The following MMP10 variants were observed in gnomAD, a reference collection of about 807,000 sequenced individuals.
The protein encoded by MMP10 is matrix metallopeptidase 10, also known as stromelysin-2.
In MMP10, 50 loss-of-function variants were observed where a neutral mutation model predicts 49.1. That is an observed-to-expected ratio of 1.02 (90% CI 0.81 to 1.29). MMP10 has a LOEUF of 1.29. Ranked by LOEUF, MMP10 falls within the 50% of genes most tolerant of loss-of-function variation. MMP10 has a pLI of 0.00. For missense variants in MMP10, 613 were observed against 563.8 expected (o/e 1.09, Z -0.88); for synonymous variants, 229 against 201.6 (o/e 1.14, Z -1.15).
At chr11:102,778,781 T>C (rs776636250) in intron 3 of MMP10, 32 bp from the exon 4 acceptor site, 1 of 1,609,710 alleles carries the variant, frequency 6.2e-7, no homozygotes, top group South Asian at 1.1e-5. Context: ...GAAATATAAG[T>C]GTTCAGAATT....
intron 4 of MMP10, among the ~76,000 whole-genome samples, chr11:102,777,396 C>T (rs1857755534): frequency 6.6e-6 from 1 of 151,582 alleles, no homozygotes; most frequent in Non-Finnish European, 1.5e-5. Context: ...GCTGTGATTA[C>T]AGGCACGTGC....
At chr11:102,773,795 TG>T (rs1434910805) in intron 7 of MMP10, among the ~76,000 whole-genome samples, 1 of 152,230 alleles carries the variant, frequency 6.6e-6, no homozygotes, top group African/African-American at 2.4e-5. Flanking sequence ...ATGAGTCAGG[TG>T]CTCCCATGGC....
At position 102,776,666 on chromosome 11, in the gene MMP10, G is replaced by GCT; in HGVS notation, c.731_732dup (p.Leu245SerfsTer12). The GCT allele has an allele frequency of 6.2e-7, 1 of 1,613,976 alleles. No homozygotes were observed. The highest frequency in any genetic ancestry group is 1.1e-5 in the South Asian group (1 of 91,060). ...TCTTGCGAAAGGCGGAACTGGGCGA[G>GCT]CTCTGTGAATGAGTTGTAGAGTGGG... is the stretch of plus-strand genomic sequence containing the variant. On this transcript the variant is annotated frameshift_variant, in exon 5 of 10. Transcript: ENST00000279441. LOFTEE classifies it high-confidence loss of function.
rs1861983562 is a variant in MMP10 at position 102,772,323 on chromosome 11, A to G, written c.1227-208T>C. Among the ~76,000 whole-genome samples the G allele has an allele frequency of 1.3e-5, 2 of 152,356 alleles. No homozygotes were observed. Among genetic ancestry groups the G allele is most frequent in the South Asian group, 2.1e-4 (1 of 4,830 alleles). On this transcript the variant is annotated intron_variant, in intron 8 of 9. Coordinates refer to ENST00000279441, the MANE Select transcript of MMP10 (RefSeq NM_002425.3). The surrounding 1 kb of genome is among the most constrained non-coding windows in gnomAD (Gnocchi z 4.4). Reference sequence around the variant, plus strand: ...ACATAAAACAATATTTTCCAGAAACAGGAACATTATGCCATTTTACAGAGG... The same window carrying G: ...ACATAAAACAATATTTTCCAGAAACGGGAACATTATGCCATTTTACAGAGG...
chr11:102,775,040 T>C, intron 7 of MMP10, 148 bp downstream of exon 7: 1 of 552,158 alleles, frequency 1.8e-6, no homozygotes, highest in Non-Finnish European at 2.8e-6. Flanking sequence ...AAATAAAGTT[T>C]ATAATGTTCT....
intron 6 of MMP10, among the ~76,000 whole-genome samples, 200 bp downstream of exon 6, chr11:102,776,080 A>C (rs1857728460): frequency 6.6e-6 from 1 of 152,044 alleles, no homozygotes; most frequent in African/African-American, 2.4e-5. Flanking sequence ...AAAAGTAACT[A>C]CTGGGTACTA....
chr11:102,776,217 T>C, intron 6 of MMP10, 63 bp downstream of exon 6: 6 of 1,468,530 alleles, frequency 4.1e-6, no homozygotes, highest in Non-Finnish European at 5.5e-6. Context: ...CAAGTTTCTG[T>C]TTTTCTTTCT....
intron 9 of MMP10, among the ~76,000 whole-genome samples, 192 bp from the exon 10 acceptor site, chr11:102,771,085 T>C (rs2134346878): frequency 6.6e-6 from 1 of 152,312 alleles, no homozygotes; most frequent in East Asian, 1.9e-4. Flanking sequence ...GTGTTATTAA[T>C]GAGAACAAAA....
At position 102,772,339 on chromosome 11, in the gene MMP10, T is replaced by C. The variant is rs1420821964; in HGVS notation, c.1227-224A>G. ...TCCAGAAACAGGAACATTATGCCAT[T>C]TTACAGAGGTTCCATACATATGTCT... On this transcript the variant is annotated intron_variant, in intron 8 of 9. Coordinates refer to ENST00000279441, the MANE Select transcript of MMP10 (RefSeq NM_002425.3). This position sits in a 1 kb window ranked among gnomAD's most constrained non-coding sequence, Gnocchi z 4.4. 2.0e-5 allele frequency among the ~76,000 whole-genome samples: 3 copies of C among 152,188 alleles called. No individual in the cohort carries two copies. Among genetic ancestry groups the C allele is most frequent in the Admixed American group, 2.0e-4 (3 of 15,288 alleles).
At position 102,772,827 on chromosome 11, in the gene MMP10, T is replaced by G. The variant is rs769264520; in HGVS notation, c.1226+20A>C. 1.9e-6 allele frequency: 3 copies of G among 1,603,994 alleles called. No homozygotes were observed. The highest frequency in any genetic ancestry group is 1.7e-6 in the Non-Finnish European group (2 of 1,175,542). ...TTTCTTAATCAGGCTTCATAGAAAG[T>G]CATTTCTCTTGCATCTCACCTCCAG... On this transcript the variant is annotated intron_variant, in intron 8 of 9. Coordinates refer to ENST00000279441, the MANE Select transcript of MMP10 (RefSeq NM_002425.3). This position sits in a 1 kb window ranked among gnomAD's most constrained non-coding sequence, Gnocchi z 4.4.
chr11:102,770,831 T>A lies in MMP10; in HGVS notation c.1393A>T (p.Thr465Ser). 1.2e-6 allele frequency: 2 copies of A among 1,613,092 alleles called. No individual in the cohort carries two copies. Among genetic ancestry groups the A allele is most frequent in the South Asian group, 2.2e-5 (2 of 90,876 alleles). ...FEFDPNARMVTHILKSNSWLH... is the reference protein window; with the variant it reads ...FEFDPNARMVSHILKSNSWLH... ...CAGCTGTTACTCTTTAATATGTGTG[T>A]CACCATCCTGGCATTGGGGTCAAAC... is the stretch of plus-strand genomic sequence containing the variant. Residue 465 changes from threonine (T) to serine (S), a missense_variant, in exon 10 of 10, where the codon ACA (threonine) becomes TCA (serine). By Grantham distance (58) the Thr-to-Ser change is moderately conservative. Coordinates refer to ENST00000279441, the MANE Select transcript of MMP10 (RefSeq NM_002425.3).
chr11:102,773,195 T>A (rs190882512), intron 7 of MMP10, among the ~76,000 whole-genome samples, 189 bp from the exon 8 acceptor site: 1 of 152,364 alleles, frequency 6.6e-6, no homozygotes, highest in Non-Finnish European at 1.5e-5. Flanking sequence ...AATGAGTAGA[T>A]AACTCTGATT....
intron 4 of MMP10, among the ~76,000 whole-genome samples, chr11:102,777,870 C>T (rs1299846950): frequency 1.3e-5 from 2 of 151,902 alleles, no homozygotes; most frequent in Non-Finnish European, 2.9e-5. Context: ...TACAGTGGTA[C>T]AATCTCGGCT....
chr11:102,774,332 A>G (rs766938953), intron 7 of MMP10, among the ~76,000 whole-genome samples: 3 of 152,150 alleles, frequency 2.0e-5, no homozygotes, highest in Non-Finnish European at 4.4e-5. Flanking sequence ...AAGTAAACAA[A>G]AATTAAGGCA....
intron 4 of MMP10, among the ~76,000 whole-genome samples, chr11:102,777,889 C>T (rs1310693902): frequency 6.6e-6 from 1 of 151,792 alleles, no homozygotes; most frequent in African/African-American, 2.4e-5. Flanking sequence ...CTCACTGCAG[C>T]CTCCATCTCC....
Position 102,776,436 on chromosome 11 carries a change from A to G in MMP10, c.788-12T>C. The G allele has an allele frequency of 6.2e-7, 1 of 1,607,086 alleles. No individual in the cohort carries two copies. The highest frequency in any genetic ancestry group is 8.5e-7 in the Non-Finnish European group (1 of 1,177,516). ...GGCAGGGGGAGGTCCTAAAGGAAAC[A>G]GATTTGGGGATGCAAACATTAAAAA... On this transcript the variant is annotated splice_polypyrimidine_tract_variant and intron_variant, in intron 5 of 9. Transcript: ENST00000279441.
At chr11:102,776,878 T>C (rs1254673445) in intron 4 of MMP10, 102 bp from the exon 5 acceptor site, 1 of 1,324,370 alleles carries the variant, frequency 7.6e-7, no homozygotes, top group Non-Finnish European at 1.1e-6. Flanking sequence ...GAAACCACAA[T>C]GTCTTTTCAG....
At chr11:102,774,394 T>C (rs774837605) in intron 7 of MMP10, among the ~76,000 whole-genome samples, 2 of 151,686 alleles carry the variant, frequency 1.3e-5, no homozygotes, top group Non-Finnish European at 2.9e-5. Flanking sequence ...AAATATAATA[T>C]AGAGAGTAAA....
Position 102,776,341 on chromosome 11 carries a change from G to GATCA in MMP10, c.867_870dup (p.Pro291Ter). On this transcript the variant is annotated stop_gained and frameshift_variant, in exon 6 of 10. Coordinates refer to ENST00000279441, the MANE Select transcript of MMP10 (RefSeq NM_002425.3). LOFTEE classifies it high-confidence loss of function. ...CTGATGGCATCGAAGGACAAAGCAG[G>GATCA]ATCACACTTGGCTGGCATCTCAGAT... is the stretch of plus-strand genomic sequence containing the variant. The GATCA allele has an allele frequency of 6.2e-7, 1 of 1,613,900 alleles. No individual in the cohort carries two copies. The highest frequency in any genetic ancestry group is 8.5e-7 in the Non-Finnish European group (1 of 1,179,880).
Sources: gnomAD v4.1 joint callset for allele counts (sites outside exome capture counted in the v4.1 genomes callset) on GRCh38, gnomAD v4.1.1 for gene constraint, Gnocchi (gnomAD v3.1) non-coding constraint, MANE v1.5 for transcripts, NCBI Gene and HGNC (gene_info 2026-07-23, HGNC 2026-07-21) for gene names.